C11orf65: variants seen among roughly 807,000 people sequenced by gnomAD.
C11orf65 encodes protein MFI.
In C11orf65, 38 loss-of-function variants were observed where a neutral mutation model predicts 35.3. The ratio of observed to expected loss-of-function variants is 1.08; its 90% confidence interval spans 0.83 to 1.41. The LOEUF (loss-of-function observed/expected upper bound fraction) is 1.41. Ranked by LOEUF, C11orf65 falls within the 40% of genes most tolerant of loss-of-function variation. The probability of loss-of-function intolerance (pLI) is 0.00; values close to 1 mark genes in which losing one functional copy is unlikely to be tolerated. For synonymous variants in C11orf65, 105 were observed against 114.4 expected (o/e 0.92, Z 0.53); for missense variants, 370 against 367.1 (o/e 1.01, Z -0.06).
At chr11:108,417,866 T>A (rs949958612) in intron 3 of C11orf65, among the ~76,000 whole-genome samples, 1 of 151,592 alleles carries the variant, frequency 6.6e-6, no homozygotes, top group East Asian at 1.9e-4. Flanking sequence ...TGTATACCTA[T>A]GTAACAAACC....
chr11:108,375,819 AGGCAGG>A (rs2091707654), intron 2 of C11orf65, among the ~76,000 whole-genome samples: 1 of 152,168 alleles, frequency 6.6e-6, no homozygotes, highest in Non-Finnish European at 1.5e-5. Flanking sequence ...AAACAAAAAA[AGGCAGG>A]GGTTGCAATA....
intron 2 of C11orf65, among the ~76,000 whole-genome samples, chr11:108,451,193 A>G (rs988874665): frequency 2.0e-5 from 3 of 152,020 alleles, no homozygotes; most frequent in Admixed American, 6.6e-5. Flanking sequence ...AGGGTATTCA[A>G]TTAGGAAGAG....
At chr11:108,439,832 G>A (rs1421331463) in intron 2 of C11orf65, among the ~76,000 whole-genome samples, 1 of 152,144 alleles carries the variant, frequency 6.6e-6, no homozygotes, top group Non-Finnish European at 1.5e-5. Flanking sequence ...TTTGTTTAAT[G>A]GGTACATGAG....
At chr11:108,438,933 G>A (rs1279838937) in intron 2 of C11orf65, among the ~76,000 whole-genome samples, 1 of 152,014 alleles carries the variant, frequency 6.6e-6, no homozygotes, top group Non-Finnish European at 1.5e-5. Context: ...TTGAACGCAG[G>A]AGGCAGAGGT....
chr11:108,309,009 T>C lies in C11orf65; in HGVS notation c.703A>G (p.Thr235Ala), dbSNP rs4988065. The change falls in exon 7 of 7, where the codon ACT becomes GCT. Residue 235 changes from threonine (T) to alanine (A), a missense_variant. Coordinates refer to the C11orf65 transcript ENST00000525729. ...AGAATGGTGTTGACATTAGCAGGAGTTGGAGAAGATAAAAATTCTTCATAT... is the reference window on the plus strand; with the variant it reads ...AGAATGGTGTTGACATTAGCAGGAGCTGGAGAAGATAAAAATTCTTCATAT... 8.5e-4 allele frequency: 1,301 copies of C among 1,528,390 alleles called. 30 individuals are homozygous for C. In the South Asian group the frequency reaches 0.015, roughly 17 times the overall value. The allele number at this position is 1,528,390 out of a possible 1,614,324, so 94.7% of individuals were successfully genotyped here.
chr11:108,324,700 T>C (rs1205976070), intron 6 of C11orf65, among the ~76,000 whole-genome samples: 4 of 152,232 alleles, frequency 2.6e-5, no homozygotes, highest in African/African-American at 4.8e-5. Context: ...TTTCTTTCAA[T>C]AAATGTCCCT....
At chr11:108,450,853 G>A (rs1211066881) in intron 2 of C11orf65, among the ~76,000 whole-genome samples, 4 of 151,762 alleles carry the variant, frequency 2.6e-5, no homozygotes, top group Admixed American at 6.6e-5. Context: ...CTGGTTCAAC[G>A]TACACAAATC....
At chr11:108,414,307 CCT>C (rs2092700799) in intron 3 of C11orf65, among the ~76,000 whole-genome samples, 1 of 151,766 alleles carries the variant, frequency 6.6e-6, no homozygotes, top group African/African-American at 2.4e-5. Flanking sequence ...ACACACATCC[CCT>C]TTTTTTGGAA....
At chr11:108,321,221 C>CT (rs1044074566) in intron 6 of C11orf65, 1 of 1,580,516 alleles carries the variant, frequency 6.3e-7, no homozygotes, top group Non-Finnish European at 8.7e-7. Flanking sequence ...GATGAGAACT[C>CT]TTTAACAACA....
At chr11:108,375,640 A>C (rs1481943455) in intron 2 of C11orf65, among the ~76,000 whole-genome samples, 1 of 152,222 alleles carries the variant, frequency 6.6e-6, no homozygotes, top group East Asian at 1.9e-4. Context: ...TAACAATATT[A>C]ACTTTAAATG....
chr11:108,343,466 T>A (rs2136962603), intron 2 of C11orf65: 4 of 1,447,078 alleles, frequency 2.8e-6, no homozygotes, highest in Admixed American at 1.9e-5. Context: ...AAAAAAACTT[T>A]AATTTCATCA....
chr11:108,438,040 G>A (rs2093091597), intron 2 of C11orf65, among the ~76,000 whole-genome samples: 1 of 152,202 alleles, frequency 6.6e-6, no homozygotes, highest in African/African-American at 2.4e-5. Context: ...GTTTGGTACT[G>A]GCCTAAGGAC....
intron 1 of C11orf65, among the ~76,000 whole-genome samples, chr11:108,466,551 CA>C (rs1445498562): frequency 6.6e-6 from 1 of 152,174 alleles, no homozygotes; most frequent in African/African-American, 2.4e-5. Context: ...TCAGCCTGGG[CA>C]ACACAGCGAG....
At chr11:108,348,517 T>G (rs2088772063) in intron 2 of C11orf65, among the ~76,000 whole-genome samples, 1 of 151,740 alleles carries the variant, frequency 6.6e-6, no homozygotes, top group Non-Finnish European at 1.5e-5. Context: ...CTCATTATTT[T>G]GAAGTATTAA....
chr11:108,401,822 T>C (rs2092444893), intron 6 of C11orf65, among the ~76,000 whole-genome samples: 1 of 152,188 alleles, frequency 6.6e-6, no homozygotes, highest in African/African-American at 2.4e-5. Context: ...GTTCCAGCAT[T>C]TTGCAAAGGT....
chr11:108,399,243 G>A (rs950421817), intron 6 of C11orf65, among the ~76,000 whole-genome samples: 5 of 152,090 alleles, frequency 3.3e-5, no homozygotes, highest in African/African-American at 7.2e-5. Context: ...CATTCACATA[G>A]GACAAAAATA....
intron 2 of C11orf65, among the ~76,000 whole-genome samples, chr11:108,364,477 T>C (rs534577214): frequency 2.6e-5 from 4 of 152,336 alleles, no homozygotes; most frequent in South Asian, 4.1e-4. Context: ...ACACCTAATA[T>C]ATATCTCAAG....
At position 108,332,838 on chromosome 11, in the gene C11orf65, C is replaced by G. The variant is rs766351395; in HGVS notation, c.300-1271G>C. 3.7e-6 allele frequency: 6 copies of G among 1,613,048 alleles called. No individual in the cohort carries two copies. The highest frequency in any genetic ancestry group is 4.2e-6 in the Non-Finnish European group (5 of 1,179,442). The stretch of plus-strand genomic sequence containing the variant: ...CCTCAGATGGTCAGAAGTGTTGAGG[C>G]ACTTTGTGATGCTTATATTATATTA... On this transcript the variant is annotated intron_variant, in intron 3 of 3. Coordinates refer to the C11orf65 transcript ENST00000524755.
intron 1 of C11orf65, 44 bp from the exon 2 acceptor site, chr11:108,461,612 AT>A: frequency 8.5e-7 from 1 of 1,183,392 alleles, no homozygotes; most frequent in Non-Finnish European, 1.2e-6. Context: ...AATAATTTTA[AT>A]TTACTTTCAT....
Sources: allele counts gnomAD v4.1 joint callset (sites outside exome capture counted in the v4.1 genomes callset), GRCh38; gene constraint gnomAD v4.1.1; transcripts MANE v1.5; gene names NCBI Gene and HGNC (gene_info 2026-07-23, HGNC 2026-07-21).